ARL13B: variants seen among roughly 807,000 people sequenced by gnomAD.
ARL13B encodes the protein ARF like GTPase 13B.
ARL13B carries 36 observed loss-of-function variants against 56.1 expected under a neutral mutation model. The observed-to-expected ratio is 0.64, with a 90% CI of 0.49 to 0.85. ARL13B has a LOEUF of 0.85. Ranked by LOEUF, ARL13B falls within the 40% of genes least tolerant of loss-of-function variation. The pLI is 0.00. For missense variants in ARL13B, 519 were observed against 507.1 expected, an observed-to-expected ratio of 1.02 and a Z score of -0.23; for synonymous variants, 178 against 171.1, an observed-to-expected ratio of 1.04 and a Z score of -0.32.
At chr3:93,987,131 C>T (rs978238667) in intron 1 of ARL13B, among the ~76,000 whole-genome samples, 5 of 151,364 alleles carry the variant, frequency 3.3e-5, no homozygotes, top group Non-Finnish European at 5.9e-5. Flanking sequence ...TCAATCCTCC[C>T]TAATGCCATG....
intron 1 of ARL13B, among the ~76,000 whole-genome samples, chr3:93,994,367 C>A (rs1323174185): frequency 1.3e-5 from 2 of 152,180 alleles, no homozygotes; most frequent in South Asian, 2.1e-4. Context: ...CTGCCTTGAC[C>A]ACCCTATATA....
intron 5 of ARL13B, 32 bp from the exon 6 acceptor site, chr3:94,039,847 AG>A (rs1402395988): frequency 6.3e-7 from 1 of 1,595,286 alleles, no homozygotes; most frequent in Admixed American, 1.7e-5. Flanking sequence ...ACTTTCTCAA[AG>A]GAAATTTCAA....
intron 3 of ARL13B, among the ~76,000 whole-genome samples, chr3:94,022,216 C>T (rs912570556): frequency 1.3e-5 from 2 of 152,102 alleles, no homozygotes; most frequent in African/African-American, 2.4e-5. Context: ...CTCCTCCTCC[C>T]TGGTTCAAGT....
At chr3:93,990,568 C>T (rs1029884099) in intron 1 of ARL13B, among the ~76,000 whole-genome samples, 9 of 151,924 alleles carry the variant, frequency 5.9e-5, no homozygotes, top group African/African-American at 1.9e-4. Flanking sequence ...AATTTTCCAC[C>T]GTGGTGTCAT....
chr3:93,996,602 G>GCCTA, intron 2 of ARL13B: 1 of 441,212 alleles, frequency 2.3e-6, no homozygotes, highest in Non-Finnish European at 4.6e-6. Flanking sequence ...GGTCTGGAAT[G>GCCTA]CCTAGCCTCA....
intron 1 of ARL13B, among the ~76,000 whole-genome samples, chr3:93,985,474 TGAA>T (rs545569348): frequency 6.8e-4 from 104 of 152,324 alleles, no homozygotes; most frequent in African/African-American, 2.5e-3. Context: ...ACCTGGGTCT[TGAA>T]GAAATTCATG....
chr3:94,053,592 A>C lies in ARL13B; in HGVS notation c.*329A>C, dbSNP rs1049073807. On this transcript the variant is annotated 3_prime_UTR_variant, in exon 10 of 10. Transcript: ENST00000394222. ...TACAAAAAGAGCCAATGGACTCAGC[A>C]CTTTCTTTACTATTTGTTCAATAGC... is the stretch of plus-strand genomic sequence containing the variant. The C allele has an allele frequency of 1.0e-5, 5 of 496,530 alleles. No homozygotes were observed. Among genetic ancestry groups the C allele is most frequent in the African/African-American group, 3.9e-5 (2 of 51,798 alleles). The allele number at this position is 496,530 out of a possible 1,614,324, so 30.8% of individuals were successfully genotyped here. A position where few individuals can be genotyped will look rare whatever the true frequency, so the allele number is the denominator to read the frequency against.
chr3:93,987,444 C>G (rs1313202039), intron 1 of ARL13B, among the ~76,000 whole-genome samples: 3 of 152,100 alleles, frequency 2.0e-5, no homozygotes, highest in African/African-American at 4.8e-5. Context: ...GAAGTCTTCA[C>G]TTGTTTCGGC....
rs762264967 is a variant in ARL13B, at chr3:94,014,564, T to A, written c.380+10656T>A. On this transcript the variant is annotated intron_variant, in intron 3 of 9. Coordinates refer to ENST00000394222, the MANE Select transcript of ARL13B (RefSeq NM_001174150.2). ...CCTTGTTCCTCTACTAAAAGAGATA[T>A]CTGAATGAAAAGATCCCTTAAATCC... is the stretch of plus-strand genomic sequence containing the variant. The A allele has an allele frequency of 5.0e-5, 80 of 1,612,372 alleles. No homozygotes were observed. In the Admixed American group the frequency reaches 1.3e-3, roughly 27 times the overall value.
chr3:94,048,422 C>A lies in ARL13B; in HGVS notation c.1025-984C>A, dbSNP rs538824516. Among the ~76,000 whole-genome samples the A allele has an allele frequency of 7.9e-5, 12 of 152,270 alleles. No individual in the cohort carries two copies. The South Asian group carries it at 2.5e-3, about 32-fold the overall frequency. On this transcript the variant is annotated intron_variant, in intron 7 of 9. Transcript: ENST00000394222. ...TACCTTACTAAAATTTATACATTAA[C>A]ATAGATTTCCTTAAAGTGTTTATAT...
chr3:94,012,391 C>T (rs2107474158), intron 3 of ARL13B, among the ~76,000 whole-genome samples: 1 of 152,280 alleles, frequency 6.6e-6, no homozygotes, highest in African/African-American at 2.4e-5. Context: ...TGACTTTTCC[C>T]ATGTCAGGAA....
At chr3:93,990,003 T>C (rs1420654726) in intron 1 of ARL13B, among the ~76,000 whole-genome samples, 2 of 149,406 alleles carry the variant, frequency 1.3e-5, no homozygotes, top group Non-Finnish European at 3.0e-5. Context: ...TTTTTTGTTT[T>C]GTTTTGTTTT....
chr3:94,031,125 G>C (rs1164210115), intron 3 of ARL13B, among the ~76,000 whole-genome samples: 1 of 152,184 alleles, frequency 6.6e-6, no homozygotes, highest in African/African-American at 2.4e-5. Flanking sequence ...CTGGGAGGTA[G>C]AGGCTGTAGT....
chr3:94,040,772 G>T (rs954798037), intron 6 of ARL13B, among the ~76,000 whole-genome samples: 2 of 151,314 alleles, frequency 1.3e-5, no homozygotes, highest in South Asian at 2.1e-4. Flanking sequence ...TGAGAGAGAA[G>T]AGGTCAAGTT....
intron 6 of ARL13B, 96 bp downstream of exon 6, chr3:94,040,084 A>G (rs1405353820): frequency 9.9e-7 from 1 of 1,013,560 alleles, no homozygotes; most frequent in Non-Finnish European, 1.5e-6. Context: ...AGGGAAACAG[A>G]TGTGTTTCTT....
chr3:94,033,888 G>A (rs764630145), intron 3 of ARL13B, among the ~76,000 whole-genome samples: 2 of 152,272 alleles, frequency 1.3e-5, no homozygotes, highest in Non-Finnish European at 1.5e-5. Flanking sequence ...AGTTTATAAG[G>A]AAGATATTAG....
chr3:94,003,662 A>G lies in ARL13B; in HGVS notation c.134A>G (p.Tyr45Cys), dbSNP rs377034488. The G allele has an allele frequency of 4.0e-5, 64 of 1,612,982 alleles. No homozygotes were observed. The highest frequency in any genetic ancestry group is 4.6e-5 in the Non-Finnish European group (54 of 1,179,440). ...TTTTGTGTATCATTTGTAACAGAAT[A>G]CCCTGAAGATGTAGCTCCTACTGTT... ...TATAKGIQGE[Y>C]PEDVAPTVGF... The change falls in exon 3 of 10, where the codon TAC becomes TGC. Residue 45 changes from tyrosine (Y) to cysteine (C), a missense_variant. By Grantham distance (194) the Tyr-to-Cys change is radical (BLOSUM62 -2). Coordinates refer to ENST00000394222, the MANE Select transcript of ARL13B (RefSeq NM_001174150.2).
chr3:94,036,308 C>T (rs1274444689), intron 4 of ARL13B, among the ~76,000 whole-genome samples: 1 of 152,052 alleles, frequency 6.6e-6, no homozygotes, highest in Non-Finnish European at 1.5e-5. Flanking sequence ...TTATAAGTGG[C>T]ACTGTCACCC....
At chr3:94,010,757 C>G (rs1379171801) in intron 3 of ARL13B, among the ~76,000 whole-genome samples, 1 of 151,908 alleles carries the variant, frequency 6.6e-6, no homozygotes, top group Non-Finnish European at 1.5e-5. Context: ...GTGCTTAAGT[C>G]TTGCTTTAAA....
Sources: gnomAD v4.1 joint callset for allele counts (sites outside exome capture counted in the v4.1 genomes callset) on GRCh38, gnomAD v4.1.1 for gene constraint, MANE v1.5 for transcripts, NCBI Gene and HGNC (gene_info 2026-07-23, HGNC 2026-07-21) for gene names.